The following CCSER2 variants were observed in gnomAD, a reference collection of about 807,000 sequenced individuals.
CCSER2 encodes the protein serine-rich coiled-coil domain-containing protein 2.
CCSER2 carries 46 observed loss-of-function variants against 92.3 expected under a neutral mutation model. The ratio of observed to expected loss-of-function variants is 0.50; its 90% CI spans 0.39 to 0.64. CCSER2 has a LOEUF of 0.64. Ranked by LOEUF, CCSER2 falls within the 30% of genes least tolerant of loss-of-function variation. The pLI is 0.00. For missense variants in CCSER2, 1,244 were observed against 1,238.9 expected (o/e 1.00, Z -0.06); for synonymous variants, 433 against 431.4 (o/e 1.00, Z -0.04).
In CCSER2 at chr10:84,425,742, A is replaced by G; in HGVS notation, c.1717A>G (p.Asn573Asp). ...DAPLENVECD[N>D]MNRFDRPDRN... is the part of the protein sequence containing the mutation. ...TTGAATCTGTCTAGTGGAGTGTGAC[A>G]ATATGAACCGCTTTGACCGACCAGA... Residue 573 changes from asparagine to aspartate, a missense_variant, in exon 5 of 10, where the codon AAT becomes GAT. By Grantham distance (23) the Asn-to-Asp change is conservative. Transcript: ENST00000372088. 6.2e-7 allele frequency: 1 copy of G among 1,609,822 alleles called. No homozygotes were observed. Among genetic ancestry groups the G allele is most frequent in the Non-Finnish European group, 8.5e-7 (1 of 1,177,542 alleles).
chr10:84,330,345 C>T (rs949769163), intron 1 of CCSER2, among the ~76,000 whole-genome samples: 5 of 152,224 alleles, frequency 3.3e-5, no homozygotes, highest in African/African-American at 1.2e-4. Flanking sequence ...TGAGAATTCT[C>T]TACCTAGTAA....
chr10:84,376,926 A>G (rs1345684784), intron 3 of CCSER2, among the ~76,000 whole-genome samples: 6 of 151,972 alleles, frequency 3.9e-5, no homozygotes, highest in South Asian at 2.1e-4. Context: ...GTATTTTTTG[A>G]TAACTACTCA....
intron 5 of CCSER2, among the ~76,000 whole-genome samples, chr10:84,437,150 CAGAG>C (rs71013323): frequency 0.26 from 19,662 of 76,926 alleles, 1,390 homozygotes; most frequent in South Asian, 0.37. Flanking sequence ...CACACACACA[CAGAG>C]AGAGAGAGAG....
chr10:84,514,468 C>A lies in CCSER2; in HGVS notation c.*201C>A. On this transcript the variant is annotated 3_prime_UTR_variant, in exon 10 of 10. Coordinates refer to ENST00000372088, the MANE Select transcript of CCSER2 (RefSeq NM_001284240.2). ...GTACATGCCATTTGAGCATAATTATCTCAGGTAAACACGAAAGTTTGCTTA... is the reference window on the plus strand; with the variant it reads ...GTACATGCCATTTGAGCATAATTATATCAGGTAAACACGAAAGTTTGCTTA... 2 of 552,120 alleles carry A rather than the reference C, an allele frequency of 3.6e-6. No homozygotes were observed. Among genetic ancestry groups the A allele is most frequent in the Non-Finnish European group, 6.3e-6 (2 of 316,482 alleles). 34.2% of individuals were successfully genotyped at this position (552,120 alleles called of 1,614,324 possible).
chr10:84,457,257 A>ATTATATAT (rs71473615), intron 6 of CCSER2, among the ~76,000 whole-genome samples: 23 of 49,690 alleles, frequency 4.6e-4, no homozygotes, highest in South Asian at 1.9e-3. Flanking sequence ...TATATTATAT[A>ATTATATAT]AAATATATTA....
Position 84,489,795 on chromosome 10 carries a change from G to A in CCSER2, c.2325+12131G>A, listed in dbSNP as rs1848041748. Among the ~76,000 whole-genome samples, 2 of 152,156 alleles carry A rather than the reference G, an allele frequency of 1.3e-5. 1 individual carries two copies. Among genetic ancestry groups the A allele is most frequent in the African/African-American group, 4.8e-5 (2 of 41,432 alleles). On this transcript the variant is annotated intron_variant, in intron 9 of 9. Transcript: ENST00000372088. ...GATCCTGGCATTATGATGTTAGCTG[G>A]TTATGTTGCTCGTTAGTTGATGCAG...
chr10:84,412,123 G>A (rs542869928), intron 3 of CCSER2, among the ~76,000 whole-genome samples: 53 of 152,254 alleles, frequency 3.5e-4, no homozygotes, highest in African/African-American at 1.1e-3. Flanking sequence ...ATTGATTTGC[G>A]TATGTTGAAA....
At chr10:84,425,708 C>T in intron 4 of CCSER2, 23 bp from the exon 5 acceptor site, 1 of 1,548,052 alleles carries the variant, frequency 6.5e-7, no homozygotes, top group Non-Finnish European at 8.8e-7. Flanking sequence ...TGTTTATAGT[C>T]TTTTGCTTTT....
At chr10:84,348,331 A>G (rs762552097) in intron 1 of CCSER2, among the ~76,000 whole-genome samples, 4 of 152,236 alleles carry the variant, frequency 2.6e-5, no homozygotes, top group Non-Finnish European at 5.9e-5. Context: ...ACGCGCCTGC[A>G]ATCGCAGGCA....
At chr10:84,464,917 G>A (rs1846302853) in intron 7 of CCSER2, among the ~76,000 whole-genome samples, 1 of 152,178 alleles carries the variant, frequency 6.6e-6, no homozygotes, top group Non-Finnish European at 1.5e-5. Flanking sequence ...CTCGTAGGTT[G>A]CAGAGTGATT....
intron 3 of CCSER2, among the ~76,000 whole-genome samples, chr10:84,378,731 G>C (rs1010951223): frequency 6.6e-6 from 1 of 151,978 alleles, no homozygotes; most frequent in Non-Finnish European, 1.5e-5. Flanking sequence ...CACCGCGCCC[G>C]GCCTAAAAAT....
chr10:84,468,515 A>T (rs555588502), intron 7 of CCSER2, among the ~76,000 whole-genome samples: 1 of 152,186 alleles, frequency 6.6e-6, no homozygotes, highest in South Asian at 2.1e-4. Flanking sequence ...GGGGAAAAAA[A>T]TCCTTAGAGC....
intron 3 of CCSER2, among the ~76,000 whole-genome samples, chr10:84,394,936 A>T (rs1841745121): frequency 6.6e-6 from 1 of 152,096 alleles, no homozygotes; most frequent in South Asian, 2.1e-4. Context: ...GTTAATAAAC[A>T]GAGTAGGCGG....
intron 4 of CCSER2, among the ~76,000 whole-genome samples, chr10:84,420,890 G>A (rs970222178): frequency 2.1e-5 from 3 of 143,284 alleles, no homozygotes; most frequent in African/African-American, 7.7e-5. Flanking sequence ...CCGAGATCAC[G>A]CTACTGCACT....
chr10:84,492,062 G>A (rs1347398258), intron 9 of CCSER2, among the ~76,000 whole-genome samples: 4 of 152,104 alleles, frequency 2.6e-5, no homozygotes, highest in Non-Finnish European at 4.4e-5. Context: ...GGCGGATCAC[G>A]AGGTCAGGAG....
intron 1 of CCSER2, among the ~76,000 whole-genome samples, chr10:84,330,688 T>TC (rs1301834687): frequency 6.6e-6 from 1 of 152,136 alleles, no homozygotes; most frequent in Non-Finnish European, 1.5e-5. Flanking sequence ...AATTTTTTTT[T>TC]AGTAGAGACG....
chr10:84,510,564 G>A (rs1392862974), intron 9 of CCSER2, among the ~76,000 whole-genome samples: 2 of 152,310 alleles, frequency 1.3e-5, no homozygotes, highest in East Asian at 1.9e-4. Flanking sequence ...TAGCCATGAG[G>A]ATATGGGATC....
At chr10:84,417,667 T>A (rs1842950074) in intron 3 of CCSER2, 104 bp from the exon 4 acceptor site, 1 of 600,720 alleles carries the variant, frequency 1.7e-6, no homozygotes, top group South Asian at 2.3e-5. Flanking sequence ...TCAGTGCAGA[T>A]AATGAGTGAA....
intron 3 of CCSER2, among the ~76,000 whole-genome samples, chr10:84,411,547 C>T (rs991149709): frequency 1.1e-4 from 16 of 151,642 alleles, no homozygotes; most frequent in African/African-American, 3.9e-4. Context: ...TTAATACGTA[C>T]GTATTCTCTT....
Sources: allele counts gnomAD v4.1 joint callset (sites outside exome capture counted in the v4.1 genomes callset), GRCh38; gene constraint gnomAD v4.1.1; transcripts MANE v1.5; gene names NCBI Gene and HGNC (gene_info 2026-07-23, HGNC 2026-07-21).